Variants in PTPRC observed in about 807,000 individuals in gnomAD.
The protein encoded by PTPRC is receptor-type tyrosine-protein phosphatase C.
Under a neutral mutation model 155.9 loss-of-function variants are expected in PTPRC, and 44 were observed. The ratio of observed to expected loss-of-function variants is 0.28; its 90% confidence interval spans 0.22 to 0.36. The LOEUF is 0.36. Among genes scored for constraint, PTPRC ranks in the 10% least tolerant of loss-of-function variants. The pLI is 1.00. For synonymous variants in PTPRC, 525 were observed against 533.1 expected (o/e 0.98, Z 0.21); for missense variants, 1,401 against 1,564.6 (o/e 0.90, Z 1.76).
intron 2 of PTPRC, among the ~76,000 whole-genome samples, chr1:198,671,328 A>G (rs1664634314): frequency 6.6e-6 from 1 of 152,052 alleles, no homozygotes; most frequent in Non-Finnish European, 1.5e-5. Context: ...GAGGCATTTA[A>G]CGCTATTGAC....
At chr1:198,646,091 A>G (rs1662923506) in intron 2 of PTPRC, among the ~76,000 whole-genome samples, 1 of 151,838 alleles carries the variant, frequency 6.6e-6, no homozygotes, top group Non-Finnish European at 1.5e-5. Context: ...ATATACCAAC[A>G]TTTATGAGTT....
At chr1:198,646,504 A>G (rs939206619) in intron 2 of PTPRC, among the ~76,000 whole-genome samples, 1 of 151,830 alleles carries the variant, frequency 6.6e-6, no homozygotes, top group Non-Finnish European at 1.5e-5. Context: ...TCAATGCTAC[A>G]AAAAATATAA....
intron 2 of PTPRC, among the ~76,000 whole-genome samples, chr1:198,639,799 C>G (rs1038949987): frequency 7.9e-5 from 12 of 151,976 alleles, no homozygotes; most frequent in Non-Finnish European, 1.5e-4. Context: ...CTGAAGTTTG[C>G]TTCCTCAAAT....
intron 11 of PTPRC, among the ~76,000 whole-genome samples, chr1:198,711,124 C>T (rs572602832): frequency 1.2e-4 from 19 of 152,128 alleles, no homozygotes; most frequent in Admixed American, 5.9e-4. Context: ...ATGCCCGGCC[C>T]GTGATTCTAA....
At chr1:198,703,950 A>G (rs998367106) in intron 7 of PTPRC, 34 of 170,574 alleles carry the variant, frequency 2.0e-4, no homozygotes, top group African/African-American at 7.9e-4. Flanking sequence ...ACACTCACAC[A>G]AGATACTGCT....
chr1:198,738,504 G>C (rs770388539), intron 23 of PTPRC, among the ~76,000 whole-genome samples: 2 of 151,828 alleles, frequency 1.3e-5, no homozygotes, highest in Non-Finnish European at 2.9e-5. Context: ...AATGCCACTT[G>C]ATCAGGATGA....
intron 2 of PTPRC, chr1:198,657,745 G>A (rs1183728433): frequency 2.0e-5 from 3 of 152,054 alleles, no homozygotes; most frequent in Non-Finnish European, 4.4e-5. Context: ...CTCTACTGCA[G>A]GTCTTCTATG....
intron 23 of PTPRC, among the ~76,000 whole-genome samples, chr1:198,740,514 C>T (rs748913546): frequency 6.6e-6 from 1 of 151,548 alleles, no homozygotes; most frequent in Non-Finnish European, 1.5e-5. Context: ...CCTGGGAAGC[C>T]GAGGTTGCAG....
In PTPRC at chr1:198,647,523, TAGAA is replaced by T. The variant is rs1663005350; in HGVS notation, c.73+8183_73+8186del. Among the ~76,000 whole-genome samples the T allele has an allele frequency of 6.6e-5, 10 of 152,060 alleles. No individual in the cohort carries two copies. In the South Asian group the frequency reaches 2.1e-3, roughly 31 times the overall value. The stretch of plus-strand genomic sequence containing the variant: ...AGAAAATTTGGAAAATGTCAAGAAA[TAGAA>T]GGAAAAAGAAATTGCTTAGAGCCCA... On this transcript the variant is annotated intron_variant, in intron 2 of 32. Coordinates refer to ENST00000442510, the MANE Select transcript of PTPRC (RefSeq NM_002838.5).
intron 2 of PTPRC, among the ~76,000 whole-genome samples, chr1:198,670,960 AT>A (rs1465461459): frequency 4.6e-5 from 7 of 152,220 alleles, no homozygotes; most frequent in Admixed American, 2.6e-4. Context: ...ATTATAAGTA[AT>A]CTAAAGATGA....
chr1:198,692,568 G>A (rs1344624992), intron 3 of PTPRC, 195 bp downstream of exon 3: 2 of 1,054,724 alleles, frequency 1.9e-6, no homozygotes, highest in Non-Finnish European at 2.4e-6. Context: ...ACCTAAACAT[G>A]TTATTAAATT....
At chr1:198,704,312 G>A (rs1044730352) in intron 7 of PTPRC, among the ~76,000 whole-genome samples, 160 bp from the exon 8 acceptor site, 1 of 152,064 alleles carries the variant, frequency 6.6e-6, no homozygotes, top group Non-Finnish European at 1.5e-5. Flanking sequence ...TTTAAGTTTT[G>A]AAATGAAAAC....
intron 2 of PTPRC, among the ~76,000 whole-genome samples, chr1:198,659,235 C>T (rs1663792762): frequency 6.6e-6 from 1 of 152,148 alleles, no homozygotes; most frequent in African/African-American, 2.4e-5. Context: ...GCCTTGTTCT[C>T]TTGTCTGTCA....
intron 6 of PTPRC, among the ~76,000 whole-genome samples, chr1:198,703,036 C>T (rs12138596): frequency 0.015 from 2,243 of 152,214 alleles, 22 homozygotes; most frequent in Non-Finnish European, 0.016. Flanking sequence ...AATGAATAGT[C>T]TGAGGAAGAT....
rs553366118 is a variant in PTPRC at position 198,706,050 on chromosome 1, C to T, written c.686-684C>T. On this transcript the variant is annotated intron_variant, in intron 8 of 32. Coordinates refer to ENST00000442510, the MANE Select transcript of PTPRC (RefSeq NM_002838.5). The stretch of plus-strand genomic sequence containing the variant: ...CTAAAAGCTGATTATATCTAACTTG[C>T]CTTTGAATTCCTAGTATTGGTGACC... 1.3e-4 allele frequency among the ~76,000 whole-genome samples: 20 copies of T among 152,260 alleles called. 1 individual carries two copies. The South Asian group carries it at 4.1e-3, about 32-fold the overall frequency.
intron 23 of PTPRC, among the ~76,000 whole-genome samples, chr1:198,741,168 C>G (rs146339342): frequency 5.9e-4 from 89 of 151,922 alleles, no homozygotes; most frequent in Non-Finnish European, 1.1e-3. Context: ...TTAATTAACT[C>G]AGTTTGTGTG....
intron 17 of PTPRC, 68 bp from the exon 18 acceptor site, chr1:198,731,549 T>G: frequency 8.4e-7 from 1 of 1,197,390 alleles, no homozygotes; most frequent in Non-Finnish European, 1.2e-6. Context: ...CGGTGTAAAT[T>G]TAATGAAATG....
intron 2 of PTPRC, among the ~76,000 whole-genome samples, chr1:198,642,400 C>CT (rs61539576): frequency 3.3e-5 from 5 of 151,748 alleles, no homozygotes; most frequent in African/African-American, 4.8e-5. Flanking sequence ...ATCTATCTAT[C>CT]AGTTCTCCAT....
intron 2 of PTPRC, among the ~76,000 whole-genome samples, chr1:198,672,255 T>C (rs973652749): frequency 1.3e-5 from 2 of 152,134 alleles, no homozygotes; most frequent in African/African-American, 4.8e-5. Context: ...GATGAGAATG[T>C]GGCACCTAGT....
Sources: allele counts gnomAD v4.1 joint callset (sites outside exome capture counted in the v4.1 genomes callset), GRCh38; gene constraint gnomAD v4.1.1; transcripts MANE v1.5; gene names NCBI Gene and HGNC (gene_info 2026-07-23, HGNC 2026-07-21).